Variants in CLSTN2 observed in about 807,000 individuals in gnomAD.
CLSTN2 encodes calsyntenin-2.
In CLSTN2, 48 loss-of-function variants were observed where a neutral mutation model predicts 101.2. That is an observed-to-expected ratio of 0.47 (90% CI 0.38 to 0.60). The LOEUF (loss-of-function observed/expected upper bound fraction) is 0.60, where lower values mean the gene tolerates loss of function less well. Ranked by LOEUF, CLSTN2 falls within the 20% of genes least tolerant of loss-of-function variation. The pLI is 0.00. For missense variants in CLSTN2, 1,160 were observed against 1,238.2 expected (o/e 0.94, Z 0.95); for synonymous variants, 481 against 463.6 (o/e 1.04, Z -0.48).
At chr3:140,128,624 G>C (rs990769254) in intron 1 of CLSTN2, among the ~76,000 whole-genome samples, 5 of 152,146 alleles carry the variant, frequency 3.3e-5, no homozygotes, top group African/African-American at 1.2e-4. Context: ...ATGGAAGTGT[G>C]ACCTTCCTTT....
At chr3:140,400,721 G>A (rs2088231869) in intron 2 of CLSTN2, among the ~76,000 whole-genome samples, 1 of 151,968 alleles carries the variant, frequency 6.6e-6, no homozygotes. Flanking sequence ...TCAGGACAGA[G>A]ACAGAAGAGA....
chr3:140,358,548 T>C (rs2087696977), intron 2 of CLSTN2, among the ~76,000 whole-genome samples: 1 of 152,132 alleles, frequency 6.6e-6, no homozygotes, highest in Admixed American at 6.5e-5. Context: ...GCCATGGAAA[T>C]GTGATTAGAG....
chr3:140,166,541 C>T (rs977046748), intron 1 of CLSTN2, among the ~76,000 whole-genome samples: 2 of 152,118 alleles, frequency 1.3e-5, no homozygotes, highest in African/African-American at 4.8e-5. Context: ...TAGGTAAAAG[C>T]ATAAAGATTC....
chr3:140,527,914 TA>T (rs1170521445), intron 8 of CLSTN2, among the ~76,000 whole-genome samples: 4 of 151,986 alleles, frequency 2.6e-5, no homozygotes, highest in African/African-American at 9.7e-5. Flanking sequence ...CTGGGACTAA[TA>T]GATGGGGGAG....
At chr3:140,002,176 A>G (rs2006856551) in intron 1 of CLSTN2, among the ~76,000 whole-genome samples, 1 of 152,190 alleles carries the variant, frequency 6.6e-6, no homozygotes, top group Non-Finnish European at 1.5e-5. Context: ...ACTCATTTAC[A>G]TTCCCACCAA....
rs143903160 is a variant in CLSTN2 at position 139,984,185 on chromosome 3, G to A, written c.109+48702G>A. Among the ~76,000 whole-genome samples, 496 of 152,272 alleles carry A rather than the reference G, an allele frequency of 3.3e-3. 3 individuals carry two copies. Among genetic ancestry groups the A allele is most frequent in the Admixed American group, 7.7e-3 (117 of 15,292 alleles). ...AGACAGCAGTGGAGACACCCACTGCGTGGTAACTGAGGGAACAGGTACATT... is the reference window on the plus strand; with the variant it reads ...AGACAGCAGTGGAGACACCCACTGCATGGTAACTGAGGGAACAGGTACATT... On this transcript the variant is annotated intron_variant, in intron 1 of 16. Transcript: ENST00000458420.
chr3:139,954,231 G>A (rs1444152037), intron 1 of CLSTN2, among the ~76,000 whole-genome samples: 3 of 152,104 alleles, frequency 2.0e-5, no homozygotes, highest in Non-Finnish European at 2.9e-5. Context: ...ATCTATTTCA[G>A]GCTATCAATT....
intron 1 of CLSTN2, among the ~76,000 whole-genome samples, chr3:140,150,739 C>A (rs1227598663): frequency 1.3e-5 from 2 of 151,902 alleles, no homozygotes; most frequent in Non-Finnish European, 2.9e-5. Context: ...GCCCTTGCTG[C>A]TTTTTTTTCT....
chr3:140,317,517 C>T (rs1370809325), intron 2 of CLSTN2, among the ~76,000 whole-genome samples: 1 of 152,110 alleles, frequency 6.6e-6, no homozygotes, highest in Non-Finnish European at 1.5e-5. Flanking sequence ...CCACAGGACC[C>T]CAATTCCAGT....
At chr3:140,419,045 T>A (rs1327895618) in intron 4 of CLSTN2, among the ~76,000 whole-genome samples, 8 of 145,216 alleles carry the variant, frequency 5.5e-5, no homozygotes, top group Admixed American at 6.7e-5. Flanking sequence ...AAAAAAAAAA[T>A]CTTTCAAGCA....
chr3:140,291,236 A>G (rs573643334), intron 2 of CLSTN2, among the ~76,000 whole-genome samples: 1 of 152,060 alleles, frequency 6.6e-6, no homozygotes. Flanking sequence ...GTTAGTGCTT[A>G]TTACTCTCCA....
chr3:140,218,741 G>T (rs191517560), intron 2 of CLSTN2, among the ~76,000 whole-genome samples: 177 of 152,246 alleles, frequency 1.2e-3, no homozygotes, highest in African/African-American at 3.7e-3. Flanking sequence ...AATAACTAAA[G>T]CCCCATGAAA....
chr3:140,183,984 A>G (rs1052652272), intron 2 of CLSTN2, among the ~76,000 whole-genome samples: 1 of 152,174 alleles, frequency 6.6e-6, no homozygotes, highest in African/African-American at 2.4e-5. Flanking sequence ...AACAACCATT[A>G]CTTCTTTCTT....
At chr3:140,405,391 C>T (rs1475027879) in intron 4 of CLSTN2, among the ~76,000 whole-genome samples, 2 of 152,122 alleles carry the variant, frequency 1.3e-5, no homozygotes, top group African/African-American at 4.8e-5. Context: ...CCATGCTCGG[C>T]TAATTTTGTA....
chr3:140,372,940 G>A (rs1364041073), intron 2 of CLSTN2, among the ~76,000 whole-genome samples: 1 of 152,220 alleles, frequency 6.6e-6, no homozygotes, highest in Non-Finnish European at 1.5e-5. Flanking sequence ...ATAATGGCAT[G>A]TGCCTGTAGT....
chr3:140,340,025 T>C (rs1276543130), intron 2 of CLSTN2, among the ~76,000 whole-genome samples: 2 of 152,220 alleles, frequency 1.3e-5, no homozygotes, highest in East Asian at 3.8e-4. Flanking sequence ...AATGAGCGCA[T>C]GATCTTGCAG....
At chr3:140,148,104 A>G (rs958630809) in intron 1 of CLSTN2, among the ~76,000 whole-genome samples, 7 of 152,224 alleles carry the variant, frequency 4.6e-5, no homozygotes, top group African/African-American at 9.6e-5. Flanking sequence ...GGCTTGCCCT[A>G]CTGTTCACGC....
chr3:140,558,530 A>C, intron 11 of CLSTN2, 110 bp from the exon 12 acceptor site: 2 of 757,326 alleles, frequency 2.6e-6, no homozygotes, highest in Non-Finnish European at 4.4e-6. Flanking sequence ...ACACTTACGC[A>C]GTCACGATGC....
chr3:140,076,736 A>T (rs2008500081), intron 1 of CLSTN2, among the ~76,000 whole-genome samples: 1 of 146,684 alleles, frequency 6.8e-6, no homozygotes, highest in Admixed American at 7.1e-5. Flanking sequence ...ACTCTACAGC[A>T]GTGAATGCCT....
Sources: allele counts gnomAD v4.1 joint callset (sites outside exome capture counted in the v4.1 genomes callset), GRCh38; gene constraint gnomAD v4.1.1; transcripts MANE v1.5; gene names NCBI Gene and HGNC (gene_info 2026-07-23, HGNC 2026-07-21).